The following TNS3 variants were observed in gnomAD, a reference collection of about 807,000 sequenced individuals.
TNS3 encodes tensin 3.
Under a neutral mutation model 140.9 loss-of-function variants are expected in TNS3, and 45 were observed. The ratio of observed to expected loss-of-function variants is 0.32; its 90% CI spans 0.25 to 0.41. The LOEUF (loss-of-function observed/expected upper bound fraction) is 0.41. Among genes scored for constraint, TNS3 ranks in the 10% least tolerant of loss-of-function variants. The pLI, the probability that TNS3 is intolerant of heterozygous loss-of-function variation, is 1.00. For missense variants in TNS3, 1,716 were observed against 1,906.7 expected (o/e 0.90, Z 1.86); for synonymous variants, 815 against 788.4 (o/e 1.03, Z -0.56).
At chr7:47,580,382 G>C (rs1376034112) in intron 1 of TNS3, among the ~76,000 whole-genome samples, 1 of 152,212 alleles carries the variant, frequency 6.6e-6, no homozygotes, top group Non-Finnish European at 1.5e-5. Context: ...TGCATGCAAA[G>C]CATTTAGCAC....
intron 30 of TNS3, chr7:47,278,760 T>TA (rs1784988471): frequency 6.5e-6 from 1 of 152,828 alleles, no homozygotes; most frequent in Non-Finnish European, 1.5e-5. Context: ...ACAAACTACA[T>TA]AGACTTCAGG....
chr7:47,298,331 G>A (rs1261270291), intron 23 of TNS3, among the ~76,000 whole-genome samples: 1 of 152,180 alleles, frequency 6.6e-6, no homozygotes, highest in Non-Finnish European at 1.5e-5. Context: ...CAGCTTCCCT[G>A]GTGAGGCTGG....
chr7:47,309,472 G>A (rs554438919), intron 20 of TNS3, among the ~76,000 whole-genome samples: 23 of 152,210 alleles, frequency 1.5e-4, no homozygotes, highest in African/African-American at 5.3e-4. Flanking sequence ...ACAAGCCGGA[G>A]GTTTGTGTTT....
chr7:47,453,101 G>A (rs1260500572), intron 4 of TNS3: 9 of 985,660 alleles, frequency 9.1e-6, no homozygotes, highest in Non-Finnish European at 9.6e-6. Context: ...CCACCAGGTG[G>A]GAGAGCCTGG....
intron 30 of TNS3, 196 bp downstream of exon 30, chr7:47,279,968 C>A: frequency 1.5e-6 from 1 of 651,280 alleles, no homozygotes; most frequent in Non-Finnish European, 2.7e-6. Context: ...ATCCAGCCAA[C>A]AGCCGGCAGA....
chr7:47,571,272 A>T (rs1345728524), intron 1 of TNS3, among the ~76,000 whole-genome samples: 1 of 152,226 alleles, frequency 6.6e-6, no homozygotes, highest in African/African-American at 2.4e-5. Flanking sequence ...CGTGCTATCA[A>T]CACAGTTTTC....
In TNS3 at chr7:47,495,864, C is replaced by T. The variant is rs140368062; in HGVS notation, c.-115+11043G>A. On this transcript the variant is annotated intron_variant, in intron 3 of 30. Transcript: ENST00000311160. ...CAGCTCCCCAACTGCAGCACACCTT[C>T]CTCCTCCATCTCGGCAGAGGGAAGG... Among the ~76,000 whole-genome samples the T allele has an allele frequency of 5.6e-3, 853 of 152,354 alleles. 9 individuals are homozygous for T. The highest frequency in any genetic ancestry group is 0.02 in the African/African-American group (814 of 41,582).
At chr7:47,566,521 A>G (rs1800432030) in intron 1 of TNS3, among the ~76,000 whole-genome samples, 1 of 152,212 alleles carries the variant, frequency 6.6e-6, no homozygotes, top group African/African-American at 2.4e-5. Flanking sequence ...AGGGATTGCT[A>G]AGTAACAGTC....
At chr7:47,298,789 G>C (rs994451304) in intron 23 of TNS3, among the ~76,000 whole-genome samples, 2 of 152,234 alleles carry the variant, frequency 1.3e-5, no homozygotes, top group Admixed American at 1.3e-4. Flanking sequence ...AGGATGAAAC[G>C]AATGGTTTCT....
intron 17 of TNS3, among the ~76,000 whole-genome samples, chr7:47,368,060 A>G (rs1000353366): frequency 6.6e-6 from 1 of 152,212 alleles, no homozygotes; most frequent in Non-Finnish European, 1.5e-5. Flanking sequence ...TGTTAAGCCC[A>G]TTCTGCAATG....
intron 17 of TNS3, among the ~76,000 whole-genome samples, chr7:47,354,859 A>G (rs1277160384): frequency 6.6e-6 from 1 of 152,098 alleles, no homozygotes; most frequent in Non-Finnish European, 1.5e-5. Context: ...ACATGGTAAC[A>G]TGGTCTCCAA....
At chr7:47,547,858 T>C (rs962719237) in intron 1 of TNS3, among the ~76,000 whole-genome samples, 1 of 152,210 alleles carries the variant, frequency 6.6e-6, no homozygotes, top group Non-Finnish European at 1.5e-5. Context: ...CAAACCCAGA[T>C]GCACATGCAC....
intron 3 of TNS3, among the ~76,000 whole-genome samples, chr7:47,505,300 C>G (rs893567244): frequency 6.6e-6 from 1 of 152,198 alleles, no homozygotes; most frequent in African/African-American, 2.4e-5. Flanking sequence ...AAGCACTGCT[C>G]CCACACCACT....
intron 17 of TNS3, among the ~76,000 whole-genome samples, chr7:47,357,394 A>G (rs536208652): frequency 6.6e-6 from 1 of 152,162 alleles, no homozygotes; most frequent in Admixed American, 6.5e-5. Flanking sequence ...ACACACACAC[A>G]CTAATCTTTT....
At chr7:47,336,178 C>T (rs987284293) in intron 20 of TNS3, among the ~76,000 whole-genome samples, 7 of 145,770 alleles carry the variant, frequency 4.8e-5, no homozygotes, top group African/African-American at 1.3e-4. Context: ...TTAGCTAACA[C>T]CAAGCAGAGT....
In TNS3 at chr7:47,369,193, G is replaced by C. The variant is rs772031643; in HGVS notation, c.1453C>G (p.His485Asp). 5 of 1,614,190 alleles carry C rather than the reference G, an allele frequency of 3.1e-6. No individual in the cohort carries two copies. The highest frequency in any genetic ancestry group is 2.2e-5 in the South Asian group (2 of 91,082). ...AGGCTGTCCACACTGTGCAGGTCGT[G>C]GTGGGGCATCTCGTCATCCAGAATG... ...TDILDDEMPH[H>D]DLHSVDSLGT... Residue 485 changes from histidine to aspartate, a missense_variant, in exon 17 of 31, where the codon CAC becomes GAC. Physicochemically the swap from His to Asp is moderately conservative, Grantham distance 81 (BLOSUM62 -1). Transcript: ENST00000311160.
At chr7:47,575,683 C>A (rs1016667572) in intron 1 of TNS3, among the ~76,000 whole-genome samples, 1 of 151,756 alleles carries the variant, frequency 6.6e-6, no homozygotes, top group African/African-American at 2.4e-5. Context: ...GGCAGCCAGG[C>A]GTAGTGGCAG....
intron 13 of TNS3, among the ~76,000 whole-genome samples, chr7:47,410,013 A>G (rs768823265): frequency 1.3e-5 from 2 of 152,162 alleles, no homozygotes; most frequent in Non-Finnish European, 2.9e-5. Context: ...GTGGAGGAGT[A>G]AAGTGCTGAA....
At chr7:47,312,032 T>G (rs1046523301) in intron 20 of TNS3, among the ~76,000 whole-genome samples, 4 of 152,210 alleles carry the variant, frequency 2.6e-5, no homozygotes, top group African/African-American at 9.6e-5. Context: ...TCTGTTTGTA[T>G]GAACATACTG....
Sources: allele counts gnomAD v4.1 joint callset (sites outside exome capture counted in the v4.1 genomes callset), GRCh38; gene constraint gnomAD v4.1.1; transcripts MANE v1.5; gene names NCBI Gene and HGNC (gene_info 2026-07-23, HGNC 2026-07-21).